The following PTPRD variants were observed in gnomAD, a reference collection of about 807,000 sequenced individuals.
The protein encoded by PTPRD is protein tyrosine phosphatase receptor type D, also known as receptor-type tyrosine-protein phosphatase delta.
Under a neutral mutation model 214.5 loss-of-function variants are expected in PTPRD, and 34 were observed. The ratio of observed to expected loss-of-function variants is 0.16; its 90% CI spans 0.12 to 0.21. PTPRD has a LOEUF of 0.21. Among genes scored for constraint, PTPRD ranks in the 10% least tolerant of loss-of-function variants. The probability of loss-of-function intolerance (pLI) is 1.00; values close to 1 mark genes in which losing one functional copy is unlikely to be tolerated. For missense variants in PTPRD, 2,545 were observed against 2,398.7 expected, an observed-to-expected ratio of 1.06 and a Z score of -1.27; for synonymous variants, 1,128 against 845.7, an observed-to-expected ratio of 1.33 and a Z score of -5.79.
chr9:10,116,530 G>GT (rs1183484415), intron 3 of PTPRD, among the ~76,000 whole-genome samples: 2 of 151,998 alleles, frequency 1.3e-5, no homozygotes, highest in African/African-American at 4.8e-5. Flanking sequence ...ACATTGTTAG[G>GT]TTTTTTAGTG....
At chr9:9,340,505 G>A (rs1395273572) in intron 9 of PTPRD, among the ~76,000 whole-genome samples, 1 of 152,170 alleles carries the variant, frequency 6.6e-6, no homozygotes, top group Non-Finnish European at 1.5e-5. Context: ...TAGTTAACCT[G>A]AAATCCATTA....
intron 30 of PTPRD, among the ~76,000 whole-genome samples, chr9:8,483,677 G>A (rs1434623515): frequency 2.0e-5 from 3 of 152,270 alleles, no homozygotes; most frequent in African/African-American, 4.8e-5. Context: ...TACTTGTGAC[G>A]CTGAGGCAAG....
At chr9:8,517,818 T>G in intron 21 of PTPRD, 30 bp downstream of exon 21, 1 of 1,577,464 alleles carries the variant, frequency 6.3e-7, no homozygotes, top group Non-Finnish European at 8.7e-7. Flanking sequence ...CCTTCCCTCC[T>G]GCCCTATTTC....
In PTPRD at chr9:9,798,387, A is replaced by G. The variant is rs79805431; in HGVS notation, c.-367-31536T>C. Among the ~76,000 whole-genome samples, 366 of 152,314 alleles carry G rather than the reference A, an allele frequency of 2.4e-3. 1 individual carries two copies. The highest frequency in any genetic ancestry group is 8.2e-3 in the African/African-American group (341 of 41,574). On this transcript the variant is annotated intron_variant, in intron 5 of 45. Coordinates refer to ENST00000381196, the MANE Select transcript of PTPRD (RefSeq NM_002839.4). ...CATTTGATGAAGTAAATAGTTGTGA[A>G]GTATGATTGGACAAAAAGGATAAGA...
chr9:8,536,201 C>T (rs537016758), intron 14 of PTPRD, among the ~76,000 whole-genome samples: 90 of 151,960 alleles, frequency 5.9e-4, no homozygotes, highest in African/African-American at 2.2e-3. Context: ...ATGCAAATTG[C>T]TATTCTTCAA....
rs78527502 is a variant in PTPRD at position 8,670,709 on chromosome 9, A to G, written c.65-33865T>C. Among the ~76,000 whole-genome samples the G allele has an allele frequency of 2.1e-4, 32 of 152,330 alleles. No individual in the cohort carries two copies. In the East Asian group the frequency reaches 6.2e-3, roughly 29 times the overall value. ...GTGTTCCAAAAGAAAGGATGACAAA[A>G]AGAGATTCAGTGCCCCAATAGCAAG... is the stretch of plus-strand genomic sequence containing the variant. On this transcript the variant is annotated intron_variant, in intron 12 of 45. Coordinates refer to ENST00000381196, the MANE Select transcript of PTPRD (RefSeq NM_002839.4).
At chr9:8,698,118 C>T (rs1283550601) in intron 12 of PTPRD, among the ~76,000 whole-genome samples, 1 of 152,156 alleles carries the variant, frequency 6.6e-6, no homozygotes, top group Non-Finnish European at 1.5e-5. Context: ...CCATTTAAGG[C>T]AACCAGTTTT....
chr9:9,690,597 AT>A (rs1246261711), intron 7 of PTPRD, among the ~76,000 whole-genome samples: 2 of 151,976 alleles, frequency 1.3e-5, no homozygotes. Flanking sequence ...TAGTAATTTC[AT>A]AGTTTTAAGT....
At chr9:9,286,421 T>C (rs1394823908) in intron 9 of PTPRD, among the ~76,000 whole-genome samples, 1 of 151,878 alleles carries the variant, frequency 6.6e-6, no homozygotes, top group Non-Finnish European at 1.5e-5. Flanking sequence ...AGCATTTCCA[T>C]TTCATTTTTG....
intron 3 of PTPRD, among the ~76,000 whole-genome samples, chr9:10,249,275 C>A (rs2092546634): frequency 6.6e-6 from 1 of 152,100 alleles, no homozygotes. Context: ...AAACTTAGTT[C>A]TCTTTTGTGT....
intron 3 of PTPRD, among the ~76,000 whole-genome samples, chr9:10,286,040 A>T (rs76139064): frequency 0.11 from 17,075 of 152,080 alleles, 2,256 homozygotes; most frequent in African/African-American, 0.3. Flanking sequence ...AGCATTAATA[A>T]GGGTATATAT....
intron 9 of PTPRD, among the ~76,000 whole-genome samples, chr9:9,310,801 C>T (rs565548630): frequency 6.6e-5 from 10 of 152,104 alleles, no homozygotes; most frequent in South Asian, 6.2e-4. Flanking sequence ...GCCTGTAATT[C>T]CAGCTACTCG....
chr9:10,071,285 A>C (rs1418427339), intron 3 of PTPRD, among the ~76,000 whole-genome samples: 2 of 152,042 alleles, frequency 1.3e-5, no homozygotes, highest in African/African-American at 4.8e-5. Context: ...TGTAAAATTT[A>C]TGTGGAAAGG....
At chr9:8,792,627 C>G (rs182593125) in intron 11 of PTPRD, among the ~76,000 whole-genome samples, 1 of 152,018 alleles carries the variant, frequency 6.6e-6, no homozygotes, top group African/African-American at 2.4e-5. Flanking sequence ...ATAGCCTTTC[C>G]GTTGTTGTTT....
chr9:8,318,828 T>C (rs1052470630), intron 45 of PTPRD, among the ~76,000 whole-genome samples: 1 of 152,008 alleles, frequency 6.6e-6, no homozygotes, highest in African/African-American at 2.4e-5. Context: ...AAATCACAAT[T>C]TACAGCTCTC....
At chr9:9,289,298 C>T (rs896005962) in intron 9 of PTPRD, among the ~76,000 whole-genome samples, 1 of 151,842 alleles carries the variant, frequency 6.6e-6, no homozygotes, top group Non-Finnish European at 1.5e-5. Context: ...AGTCAAGCAG[C>T]TAGCAACTTA....
At chr9:9,773,569 C>G (rs2098771060) in intron 5 of PTPRD, among the ~76,000 whole-genome samples, 2 of 152,190 alleles carry the variant, frequency 1.3e-5, no homozygotes, top group South Asian at 4.1e-4. Flanking sequence ...ATTCCATCCT[C>G]TGCTCCATTC....
chr9:10,466,166 T>C (rs186940462), intron 2 of PTPRD, among the ~76,000 whole-genome samples: 1 of 152,316 alleles, frequency 6.6e-6, no homozygotes, highest in East Asian at 1.9e-4. Flanking sequence ...ATGAGGTAAG[T>C]ACTTTTATTA....
intron 44 of PTPRD, among the ~76,000 whole-genome samples, chr9:8,326,677 C>G (rs949341705): frequency 6.6e-6 from 1 of 151,048 alleles, no homozygotes; most frequent in Non-Finnish European, 1.5e-5. Context: ...TGGTAGAATT[C>G]GTCTGGTCCT....
Sources: gnomAD v4.1 joint callset for allele counts (sites outside exome capture counted in the v4.1 genomes callset) on GRCh38, gnomAD v4.1.1 for gene constraint, MANE v1.5 for transcripts, NCBI Gene and HGNC (gene_info 2026-07-23, HGNC 2026-07-21) for gene names.